Variants in ITGA4 observed in about 807,000 individuals in gnomAD.
ITGA4 encodes integrin alpha-4.
ITGA4 carries 63 observed loss-of-function variants against 133.6 expected under a neutral mutation model. The observed-to-expected ratio is 0.47, with a 90% CI of 0.38 to 0.58. The LOEUF (loss-of-function observed/expected upper bound fraction) is 0.58, where lower values mean the gene tolerates loss of function less well. Among genes scored for constraint, ITGA4 ranks in the 20% least tolerant of loss-of-function variants. ITGA4 has a pLI of 0.00. For synonymous variants in ITGA4, 483 were observed against 438.0 expected (o/e 1.10, Z -1.28); for missense variants, 1,076 against 1,252.7 (o/e 0.86, Z 2.13).
At chr2:181,522,838 G>A (rs959966692) in intron 18 of ITGA4, among the ~76,000 whole-genome samples, 35 of 152,070 alleles carry the variant, frequency 2.3e-4, no homozygotes, top group African/African-American at 7.5e-4. Flanking sequence ...TCTTTCTCTA[G>A]TGTTTGCGCT....
intron 27 of ITGA4, 21 bp from the exon 28 acceptor site, chr2:181,535,411 A>C (rs764553695): frequency 6.4e-7 from 1 of 1,566,488 alleles, no homozygotes; most frequent in South Asian, 1.1e-5. Context: ...TACACTAGTG[A>C]TTATGTTATG....
intron 2 of ITGA4, among the ~76,000 whole-genome samples, chr2:181,460,351 A>C (rs754915528): frequency 6.6e-6 from 1 of 152,208 alleles, no homozygotes; most frequent in African/African-American, 2.4e-5. Context: ...TTTATTCCTC[A>C]TGTAAAGAAA....
At chr2:181,505,081 GC>G (rs1686367144) in intron 15 of ITGA4, among the ~76,000 whole-genome samples, 1 of 151,778 alleles carries the variant, frequency 6.6e-6, no homozygotes, top group Admixed American at 6.6e-5. Context: ...AGCCTCCCCA[GC>G]CCCTTTTATG....
In ITGA4 at chr2:181,511,928, C is replaced by G. The variant is rs117991873; in HGVS notation, c.1922+153C>G. Among the ~76,000 whole-genome samples, 18 of 152,054 alleles carry G rather than the reference C, an allele frequency of 1.2e-4. No homozygotes were observed. In the East Asian group the frequency reaches 3.5e-3, roughly 29 times the overall value. On this transcript the variant is annotated intron_variant, in intron 17 of 27. Coordinates refer to ENST00000397033, the MANE Select transcript of ITGA4 (RefSeq NM_000885.6). Reference sequence around the variant, plus strand: ...AACACAATGCTTAGTTTTTTATCGGCCAGAAAACTGGTTATATCACTCAGA... The same window carrying G: ...AACACAATGCTTAGTTTTTTATCGGGCAGAAAACTGGTTATATCACTCAGA...
In ITGA4 at chr2:181,538,183, GTTAC is replaced by G. The variant is rs1687284389; in HGVS notation, c.*2659_*2662del. ...ACATTTCTTTTAGAAACAATTACAT[GTTAC>G]TTTGGAATCATTTCTTCCATGCTTC... On this transcript the variant is annotated 3_prime_UTR_variant, in exon 28 of 28. Transcript: ENST00000397033. The G allele has an allele frequency of 6.4e-7, 1 of 1,557,748 alleles. No individual in the cohort carries two copies. The highest frequency in any genetic ancestry group is 1.4e-5 in the African/African-American group (1 of 73,744).
intron 4 of ITGA4, among the ~76,000 whole-genome samples, chr2:181,478,086 C>G (rs1685718462): frequency 6.6e-6 from 1 of 151,952 alleles, no homozygotes; most frequent in Admixed American, 6.6e-5. Context: ...ATGGATGACC[C>G]CGAAGGACAT....
intron 26 of ITGA4, among the ~76,000 whole-genome samples, 156 bp downstream of exon 26, chr2:181,534,526 A>G (rs1687014248): frequency 6.6e-6 from 1 of 152,146 alleles, no homozygotes; most frequent in African/African-American, 2.4e-5. Context: ...GGCATTTTCC[A>G]CAACTGGCAG....
intron 25 of ITGA4, 70 bp from the exon 26 acceptor site, chr2:181,534,202 G>A (rs1490779936): frequency 2.1e-6 from 2 of 956,338 alleles, no homozygotes; most frequent in South Asian, 1.5e-5. Flanking sequence ...TAGCTAGAAG[G>A]TAAAGATCCT....
At chr2:181,499,157 G>C (rs541885822) in intron 15 of ITGA4, among the ~76,000 whole-genome samples, 97 of 152,238 alleles carry the variant, frequency 6.4e-4, no homozygotes, top group African/African-American at 2.3e-3. Flanking sequence ...AGGCAGGGAA[G>C]TTAGTTTGTT....
At chr2:181,506,705 AAC>A (rs1372225813) in intron 15 of ITGA4, among the ~76,000 whole-genome samples, 11 of 152,140 alleles carry the variant, frequency 7.2e-5, no homozygotes, top group Admixed American at 7.2e-4. Flanking sequence ...ATAATATAGC[AAC>A]ACAGCAATAA....
At chr2:181,512,979 C>T (rs1197104837) in intron 17 of ITGA4, among the ~76,000 whole-genome samples, 1 of 152,136 alleles carries the variant, frequency 6.6e-6, no homozygotes, top group East Asian at 1.9e-4. Flanking sequence ...TAACTTCCAG[C>T]ACATGCTTTT....
intron 10 of ITGA4, among the ~76,000 whole-genome samples, chr2:181,487,760 G>A (rs534532782): frequency 1.7e-4 from 26 of 152,224 alleles, no homozygotes; most frequent in South Asian, 4.1e-4. Flanking sequence ...TGAAAATGAA[G>A]AAAATAGTGG....
intron 21 of ITGA4, among the ~76,000 whole-genome samples, chr2:181,526,925 G>C (rs1445881378): frequency 7.0e-6 from 1 of 142,230 alleles, no homozygotes; most frequent in Admixed American, 7.6e-5. Flanking sequence ...TCTGCTTCTC[G>C]GGTTCAAGCG....
Position 181,537,516 on chromosome 2 carries a change from A to C in ITGA4, c.*1989A>C. The C allele has an allele frequency of 2.2e-6, 1 of 449,618 alleles. No individual in the cohort carries two copies. The highest frequency in any genetic ancestry group is 2.0e-5 in the African/African-American group (1 of 49,910). The allele number at this position is 449,618 out of a possible 1,614,324, so 27.9% of individuals were successfully genotyped here. ...TTTTTGGCAGGTAGGCTATATAACTATGTGATTTTGAAATTTAACTGCTCT... is the reference window on the plus strand; with the variant it reads ...TTTTTGGCAGGTAGGCTATATAACTCTGTGATTTTGAAATTTAACTGCTCT... On this transcript the variant is annotated 3_prime_UTR_variant, in exon 28 of 28. Transcript: ENST00000397033.
In ITGA4 at chr2:181,535,529, G is replaced by A. The variant is rs868487444; in HGVS notation, c.*2G>A. 1 of 1,599,994 alleles carries A rather than the reference G, an allele frequency of 6.3e-7. No individual in the cohort carries two copies. Among genetic ancestry groups the A allele is most frequent in the Non-Finnish European group, 8.5e-7 (1 of 1,174,248 alleles). ...AACAGTAAAAGCAATGATGATTAAG[G>A]ACTTCTTTCAAATTGAGAGAATGGA... On this transcript the variant is annotated 3_prime_UTR_variant, in exon 28 of 28. Transcript: ENST00000397033.
At chr2:181,500,297 A>T (rs1166004577) in intron 15 of ITGA4, among the ~76,000 whole-genome samples, 1 of 152,174 alleles carries the variant, frequency 6.6e-6, no homozygotes, top group East Asian at 1.9e-4. Context: ...CACACAGAAG[A>T]TAAGAACCAC....
In ITGA4 at chr2:181,489,477, A is replaced by C. The variant is rs1006362561; in HGVS notation, c.1153+3485A>C. On this transcript the variant is annotated intron_variant, in intron 10 of 27. Coordinates refer to ENST00000397033, the MANE Select transcript of ITGA4 (RefSeq NM_000885.6). ...TTTCATATGTAAAATAGACTTGACC[A>C]CTATTTATCGGTTTAGTTTCTTTTT... 2.0e-5 allele frequency among the ~76,000 whole-genome samples: 3 copies of C among 152,272 alleles called. No individual in the cohort carries two copies. The East Asian group carries it at 5.8e-4, about 29-fold the overall frequency.
chr2:181,473,236 C>T (rs1396621472), intron 2 of ITGA4, among the ~76,000 whole-genome samples: 4 of 152,192 alleles, frequency 2.6e-5, no homozygotes, highest in East Asian at 1.9e-4. Context: ...TGAGCATTCC[C>T]GCCTGAGCTT....
intron 15 of ITGA4, among the ~76,000 whole-genome samples, chr2:181,501,281 A>G (rs1686262964): frequency 6.6e-6 from 1 of 152,174 alleles, no homozygotes; most frequent in African/African-American, 2.4e-5. Flanking sequence ...CAGCGAGAAA[A>G]GCTGAGTCAA....
Sources: gnomAD v4.1 joint callset for allele counts (sites outside exome capture counted in the v4.1 genomes callset) on GRCh38, gnomAD v4.1.1 for gene constraint, MANE v1.5 for transcripts, NCBI Gene and HGNC (gene_info 2026-07-23, HGNC 2026-07-21) for gene names.